ERAP1: variants seen among roughly 807,000 people sequenced by gnomAD.
ERAP1 encodes the protein adipocyte-derived leucine aminopeptidase.
In ERAP1, 86 loss-of-function variants were observed where a neutral mutation model predicts 103.7. That is an observed-to-expected ratio of 0.83 (90% CI 0.70 to 0.99). ERAP1 has a LOEUF of 0.99. Ranked by LOEUF, ERAP1 falls within the 50% of genes least tolerant of loss-of-function variation. The pLI is 0.00. For synonymous variants in ERAP1, 398 were observed against 402.4 expected (o/e 0.99, Z 0.13); for missense variants, 1,009 against 1,128.4 (o/e 0.89, Z 1.52).
chr5:96,784,105 T>C (rs1775647256), intron 13 of ERAP1, 25 bp from the exon 14 acceptor site: 2 of 1,613,726 alleles, frequency 1.2e-6, no homozygotes, highest in Non-Finnish European at 1.7e-6. Flanking sequence ...CTGTGGTTAG[T>C]GGTTTAAAAG....
At chr5:96,830,421 C>A in the ERAP1 span, among the ~76,000 whole-genome samples, 1 of 152,168 alleles carries the variant, frequency 6.6e-6, no homozygotes, top group African/African-American at 2.4e-5. Context: ...CATGGTGCAC[C>A]AGGGAACGTG....
the ERAP1 span, among the ~76,000 whole-genome samples, chr5:96,860,265 G>T: frequency 7.2e-5 from 11 of 152,172 alleles, no homozygotes; most frequent in African/African-American, 2.2e-4. Context: ...TGTTGGCCAG[G>T]CTGGTCTCGA....
At position 96,775,532 on chromosome 5, in the gene ERAP1, A is replaced by ACACT; in HGVS notation, c.*860_*863dup. 1.6e-5 allele frequency: 16 copies of ACACT among 977,982 alleles called. No individual in the cohort carries two copies. The highest frequency in any genetic ancestry group is 1.9e-5 in the Non-Finnish European group (16 of 823,396). The allele number at this position is 977,982 out of a possible 1,614,324, so 60.6% of individuals were successfully genotyped here. A position where few individuals can be genotyped will look rare whatever the true frequency, so the allele number is the denominator to read the frequency against. ...ACTGTACCAGTCAGGGAAATAGATG[A>ACACT]CACTCACTCAGAATTATCTGAGGAG... On this transcript the variant is annotated 3_prime_UTR_variant, in exon 19 of 19. Transcript: ENST00000443439.
At chr5:96,766,638 C>G (rs952170611) in intron 19 of ERAP1, among the ~76,000 whole-genome samples, 2 of 152,186 alleles carry the variant, frequency 1.3e-5, no homozygotes, top group African/African-American at 4.8e-5. Flanking sequence ...AATCACAAAT[C>G]CTGTTTCTCT....
the ERAP1 span, among the ~76,000 whole-genome samples, chr5:96,888,782 T>C: frequency 2.0e-5 from 3 of 152,220 alleles, no homozygotes; most frequent in Non-Finnish European, 4.4e-5. Context: ...GCTTCCCACA[T>C]AGGTCTAGAA....
chr5:96,777,323 A>C lies in ERAP1; in HGVS notation c.2671-772T>G, dbSNP rs1399671567. On this transcript the variant is annotated intron_variant, in intron 18 of 18. Coordinates refer to ENST00000443439, the MANE Select transcript of ERAP1 (RefSeq NM_001040458.3). ...TTTCCCATAAATTTTCACAGCATTA[A>C]TCCATCAATTTTTGATTTGGTATTC... Among the ~76,000 whole-genome samples, 3 of 152,174 alleles carry C rather than the reference A, an allele frequency of 2.0e-5. No individual in the cohort carries two copies. In the East Asian group the frequency reaches 5.8e-4, roughly 29 times the overall value.
chr5:96,773,379 C>T (rs937941434), downstream of ERAP1: 1 of 153,032 alleles, frequency 6.5e-6, no homozygotes, highest in African/African-American at 2.4e-5. Flanking sequence ...AAATTTCGAG[C>T]ATAAGAAATA....
At chr5:96,871,697 C>A in the ERAP1 span, among the ~76,000 whole-genome samples, 4 of 152,140 alleles carry the variant, frequency 2.6e-5, no homozygotes, top group Admixed American at 1.3e-4. Context: ...TGTAAAATAG[C>A]AGTTGTTCAA....
the ERAP1 span, chr5:96,902,237 T>C: frequency 7.2e-7 from 1 of 1,385,426 alleles, no homozygotes; most frequent in Non-Finnish European, 1.0e-6. Context: ...ACAGCAGCAT[T>C]CTTTTGGTCT....
At chr5:96,789,858 T>A (rs1465507198) in intron 10 of ERAP1, among the ~76,000 whole-genome samples, 1 of 152,254 alleles carries the variant, frequency 6.6e-6, no homozygotes, top group Non-Finnish European at 1.5e-5. Context: ...CACAGGTTTA[T>A]TATGAAGAGT....
chr5:96,812,491 TGAAC>T (rs1779209398), upstream of ERAP1, among the ~76,000 whole-genome samples: 1 of 152,162 alleles, frequency 6.6e-6, no homozygotes, highest in Non-Finnish European at 1.5e-5. Context: ...CAGCCAGGAG[TGAAC>T]ATGATCTTTG....
chr5:96,810,620 C>G (rs1214089476), upstream of ERAP1, among the ~76,000 whole-genome samples: 1 of 152,142 alleles, frequency 6.6e-6, no homozygotes, highest in African/African-American at 2.4e-5. Context: ...GCTGGTTGGC[C>G]GGTTGAGCCC....
At chr5:96,900,300 G>A in the ERAP1 span, 3 of 1,450,252 alleles carry the variant, frequency 2.1e-6, no homozygotes, top group African/African-American at 4.2e-5. Flanking sequence ...TGGAGAGAAA[G>A]AGAGCCCCCA....
the ERAP1 span, among the ~76,000 whole-genome samples, chr5:96,824,430 TA>T: frequency 6.6e-6 from 1 of 152,170 alleles, no homozygotes; most frequent in African/African-American, 2.4e-5. Context: ...TCCTCCTGCT[TA>T]GGACCCCTCA....
chr5:96,917,925 A>AAAG, the ERAP1 span: 1 of 160,248 alleles, frequency 6.2e-6, no homozygotes, highest in African/African-American at 2.4e-5. Flanking sequence ...AAAAAAAAAA[A>AAAG]AAAGAAAAAG....
chr5:96,836,202 TTTTG>T, the ERAP1 span, among the ~76,000 whole-genome samples: 1 of 146,858 alleles, frequency 6.8e-6, no homozygotes, highest in African/African-American at 2.5e-5. Context: ...TTTTTCTGTT[TTTTG>T]TTTGTTTGTT....
chr5:96,855,537 G>A, the ERAP1 span, among the ~76,000 whole-genome samples: 2 of 152,192 alleles, frequency 1.3e-5, no homozygotes, highest in Admixed American at 6.5e-5. Context: ...CTTCACCAGC[G>A]ATTGCATAGA....
At chr5:96,850,582 A>G in the ERAP1 span, among the ~76,000 whole-genome samples, 1 of 152,134 alleles carries the variant, frequency 6.6e-6, no homozygotes, top group East Asian at 1.9e-4. Context: ...TAAAAAGATG[A>G]AAGATTAATA....
rs1297259496 is a variant in ERAP1 at position 96,775,605 on chromosome 5, A to C, written c.*791T>G. The C allele has an allele frequency of 1.5e-6, 1 of 652,102 alleles. No homozygotes were observed. Among genetic ancestry groups the C allele is most frequent in the Non-Finnish European group, 1.9e-6 (1 of 525,834 alleles). The allele number at this position is 652,102 out of a possible 1,614,324, so 40.4% of individuals were successfully genotyped here. ...CAAAAGTGCGAGCACATTATGTAGA[A>C]ACCACAAGTCCGCCAGGACTAGTAA... On this transcript the variant is annotated 3_prime_UTR_variant, in exon 19 of 19. Transcript: ENST00000443439.
Sources: gnomAD v4.1 joint callset for allele counts (sites outside exome capture counted in the v4.1 genomes callset) on GRCh38, gnomAD v4.1.1 for gene constraint, MANE v1.5 for transcripts, NCBI Gene and HGNC (gene_info 2026-07-23, HGNC 2026-07-21) for gene names.